Variants in RYR2 observed in about 807,000 individuals in gnomAD.
RYR2 encodes the protein cardiac muscle ryanodine receptor-calcium release channel.
A neutral mutation model predicts 601.1 loss-of-function variants in RYR2; 227 were observed. That is an observed-to-expected ratio of 0.38 (90% CI 0.34 to 0.42). The LOEUF (loss-of-function observed/expected upper bound fraction) is 0.42, where lower values mean the gene tolerates loss of function less well. Ranked by LOEUF, RYR2 falls within the 10% of genes least tolerant of loss-of-function variation. The pLI, the probability that RYR2 is intolerant of heterozygous loss-of-function variation, is 1.00. For synonymous variants in RYR2, 2,223 were observed against 2,175.1 expected (o/e 1.02, Z -0.61); for missense variants, 4,646 against 6,156.5 (o/e 0.75, Z 8.21).
intron 10 of RYR2, among the ~76,000 whole-genome samples, chr1:237,399,368 A>T (rs1703138955): frequency 6.6e-6 from 1 of 152,182 alleles, no homozygotes. Flanking sequence ...AGGCCATCAG[A>T]TGTTAGGGAA....
At position 237,441,472 on chromosome 1, in the gene RYR2, A is replaced by C. The variant is rs748169418; in HGVS notation, c.1159A>C (p.Ile387Leu). The C allele has an allele frequency of 1.9e-6, 3 of 1,544,768 alleles. No homozygotes were observed. The highest frequency in any genetic ancestry group is 1.8e-6 in the Non-Finnish European group (2 of 1,141,318). ...CGTGAAATCCGTGAGAATGGGATCT[A>C]TACAACGTAAGGTAAGGTGATAGAA... Reference protein sequence around the residue: ...VDVKSVRMGSIQRKAIMHHEG... With the variant: ...VDVKSVRMGSLQRKAIMHHEG... Residue 387 changes from isoleucine (I) to leucine (L), a missense_variant, in exon 13 of 105, where the codon ATA (isoleucine) becomes CTA (leucine). Physicochemically the swap from Ile to Leu is conservative, Grantham distance 5 (BLOSUM62 2). Around this residue, in one of 17 missense-constraint regions of RYR2, gnomAD observed 1,807 missense variants for 2,088.1 expected, o/e 0.87. Coordinates refer to ENST00000366574, the MANE Select transcript of RYR2 (RefSeq NM_001035.3).
rs1209683928 is a variant in RYR2, at chr1:237,590,891, T to C, written c.4059T>C (p.His1353=). 6.2e-7 allele frequency: 1 copy of C among 1,613,850 alleles called. No homozygotes were observed. Residue 1353 remains histidine, a synonymous_variant, in exon 31 of 105, where the codon CAT becomes CAC. Transcript: ENST00000366574. Reference sequence around the variant, plus strand: ...TTCTGATGAAGACAGCTCATGGCCATCTAGTGCCCGATCGTGTTGACAAAG... The same window carrying C: ...TTCTGATGAAGACAGCTCATGGCCACCTAGTGCCCGATCGTGTTGACAAAG... The part of the protein sequence containing the change: ...FEVLMKTAHG[H]LVPDRVDKDK...
intron 29 of RYR2, among the ~76,000 whole-genome samples, chr1:237,575,269 T>G: frequency 6.6e-6 from 1 of 152,218 alleles, no homozygotes; most frequent in Non-Finnish European, 1.5e-5. Flanking sequence ...CACAGAGGTA[T>G]AGTAGCTAAT....
intron 2 of RYR2, among the ~76,000 whole-genome samples, chr1:237,283,136 A>T (rs1467425959): frequency 6.6e-6 from 1 of 152,148 alleles, no homozygotes; most frequent in Non-Finnish European, 1.5e-5. Flanking sequence ...TCTTCACCTG[A>T]AGGAAGTCTC....
chr1:237,634,812 G>A, intron 43 of RYR2, 77 bp from the exon 44 acceptor site: 1 of 1,044,740 alleles, frequency 9.6e-7, no homozygotes, highest in Non-Finnish European at 1.4e-6. Flanking sequence ...TAAATTTTAA[G>A]AGGTAGTATA....
chr1:237,544,686 G>A (rs1232500122), intron 25 of RYR2, among the ~76,000 whole-genome samples: 1 of 152,024 alleles, frequency 6.6e-6, no homozygotes, highest in Non-Finnish European at 1.5e-5. Context: ...GTATTAATAA[G>A]GTGAAATGAA....
At chr1:237,264,648 G>A (rs1229375447) in intron 1 of RYR2, among the ~76,000 whole-genome samples, 1 of 151,930 alleles carries the variant, frequency 6.6e-6, no homozygotes, top group East Asian at 1.9e-4. Flanking sequence ...AGATACTGGG[G>A]CTATAATTCT....
intron 88 of RYR2, among the ~76,000 whole-genome samples, chr1:237,779,661 A>G (rs776245413): frequency 6.6e-6 from 1 of 152,222 alleles, no homozygotes; most frequent in African/African-American, 2.4e-5. Context: ...ATTGTCAAAG[A>G]TCAGCAGGGC....
At chr1:237,270,281 C>A (rs929382853) in intron 1 of RYR2, 1 of 685,544 alleles carries the variant, frequency 1.5e-6, no homozygotes, top group Non-Finnish European at 2.6e-6. Context: ...GCCGTAGCTC[C>A]CCTCTTTTCC....
At chr1:237,343,155 C>G (rs753267543) in intron 3 of RYR2, among the ~76,000 whole-genome samples, 1 of 151,708 alleles carries the variant, frequency 6.6e-6, no homozygotes, top group African/African-American at 2.4e-5. Context: ...CTTGGGAGAT[C>G]GAGGCTGCGG....
At chr1:237,623,319 T>C (rs1424612079) in intron 38 of RYR2, among the ~76,000 whole-genome samples, 1 of 150,366 alleles carries the variant, frequency 6.7e-6, no homozygotes, top group East Asian at 1.9e-4. Context: ...AATCAGAGAT[T>C]TTGAGCATTT....
chr1:237,588,010 C>T (rs1674721758), intron 29 of RYR2, among the ~76,000 whole-genome samples: 1 of 152,308 alleles, frequency 6.6e-6, no homozygotes, highest in East Asian at 1.9e-4. Flanking sequence ...ATTGTATTTA[C>T]ACAATACAAT....
At position 237,246,555 on chromosome 1, in the gene RYR2, G is replaced by A. The variant is rs140519021; in HGVS notation, c.49-23942G>A. On this transcript the variant is annotated intron_variant, in intron 1 of 104. Transcript: ENST00000366574. ...GGGCTCAAGCAATCCTCCTGCTTCA[G>A]CCTCCCGAGTAGCTAGGACTACAGG... is the stretch of plus-strand genomic sequence containing the variant. Among the ~76,000 whole-genome samples the A allele has an allele frequency of 4.3e-3, 651 of 152,232 alleles. 3 individuals are homozygous for A. Among genetic ancestry groups the A allele is most frequent in the African/African-American group, 0.015 (635 of 41,536 alleles).
At chr1:237,428,429 G>C (rs1304948572) in intron 12 of RYR2, among the ~76,000 whole-genome samples, 1 of 152,160 alleles carries the variant, frequency 6.6e-6, no homozygotes, top group Non-Finnish European at 1.5e-5. Flanking sequence ...AAAAAGGAAT[G>C]AGATAATGTC....
intron 22 of RYR2, 24 bp from the exon 23 acceptor site, chr1:237,506,686 C>CT (rs1665295657): frequency 6.4e-7 from 1 of 1,570,634 alleles, no homozygotes; most frequent in South Asian, 1.1e-5. Flanking sequence ...TCTGATGTGT[C>CT]TTTTTTCTTT....
intron 17 of RYR2, among the ~76,000 whole-genome samples, chr1:237,490,955 C>T (rs1663260264): frequency 6.6e-6 from 1 of 152,084 alleles, no homozygotes; most frequent in Non-Finnish European, 1.5e-5. Context: ...GTGATGTTTT[C>T]TGTATGTTGG....
intron 98 of RYR2, among the ~76,000 whole-genome samples, chr1:237,803,744 C>G (rs1291527802): frequency 6.6e-6 from 1 of 152,132 alleles, no homozygotes; most frequent in African/African-American, 2.4e-5. Flanking sequence ...TTCTTACTAC[C>G]TAAGCTTAAA....
intron 38 of RYR2, among the ~76,000 whole-genome samples, chr1:237,620,348 T>C (rs1678937000): frequency 9.8e-6 from 1 of 101,926 alleles, no homozygotes; most frequent in Non-Finnish European, 2.1e-5. Context: ...AGAGATACAC[T>C]GAGAAGTACC....
intron 4 of RYR2, among the ~76,000 whole-genome samples, chr1:237,357,437 T>C (rs1699398754): frequency 1.3e-5 from 2 of 152,186 alleles, no homozygotes; most frequent in Non-Finnish European, 2.9e-5. Flanking sequence ...TTCTGTGCCA[T>C]ATCTGGATTG....
Sources: allele counts gnomAD v4.1 joint callset (sites outside exome capture counted in the v4.1 genomes callset), GRCh38; gene constraint gnomAD v4.1.1; regional missense constraint gnomAD v4.1.1; transcripts MANE v1.5; gene names NCBI Gene and HGNC (gene_info 2026-07-23, HGNC 2026-07-21).